The following LPP variants were observed in gnomAD, a reference collection of about 807,000 sequenced individuals.
The protein encoded by LPP is lipoma-preferred partner.
Under a neutral mutation model 60.4 loss-of-function variants are expected in LPP, and 38 were observed. That is an observed-to-expected ratio of 0.63 (90% CI 0.49 to 0.83). The LOEUF is 0.83. LPP is among the 40% of genes least tolerant of loss of function. The pLI, the probability that LPP is intolerant of heterozygous loss-of-function variation, is 0.00. For missense variants in LPP, 902 were observed against 783.6 expected, an observed-to-expected ratio of 1.15 and a Z score of -1.80; for synonymous variants, 328 against 290.8, an observed-to-expected ratio of 1.13 and a Z score of -1.30.
chr3:188,281,272 G>A (rs1296216235), intron 2 of LPP, among the ~76,000 whole-genome samples: 2 of 152,030 alleles, frequency 1.3e-5, no homozygotes, highest in Non-Finnish European at 2.9e-5. Flanking sequence ...TATTAGTGAT[G>A]CGGGTTTAGA....
At chr3:188,708,080 A>G (rs1273223511) in intron 7 of LPP, among the ~76,000 whole-genome samples, 187 bp from the exon 8 acceptor site, 4 of 152,234 alleles carry the variant, frequency 2.6e-5, no homozygotes, top group Admixed American at 2.0e-4. Flanking sequence ...GATAAGGCAA[A>G]TGAGTAAAGA....
At chr3:188,638,649 T>C (rs1296985129) in intron 7 of LPP, among the ~76,000 whole-genome samples, 1 of 149,128 alleles carries the variant, frequency 6.7e-6, no homozygotes, top group Non-Finnish European at 1.5e-5. Flanking sequence ...CTTCAGCTGA[T>C]AAGCAACTTC....
At chr3:188,560,586 C>T (rs1205139293) in intron 6 of LPP, among the ~76,000 whole-genome samples, 1 of 152,098 alleles carries the variant, frequency 6.6e-6, no homozygotes, top group African/African-American at 2.4e-5. Context: ...CAATCCTATA[C>T]CTTAGTTCTC....
intron 4 of LPP, among the ~76,000 whole-genome samples, chr3:188,409,115 G>A (rs899867632): frequency 1.3e-5 from 2 of 152,064 alleles, no homozygotes; most frequent in South Asian, 2.1e-4. Context: ...GATGGCTGGC[G>A]GATGGCTGGC....
At chr3:188,502,518 T>C (rs1468697718) in intron 5 of LPP, among the ~76,000 whole-genome samples, 2 of 152,206 alleles carry the variant, frequency 1.3e-5, no homozygotes, top group African/African-American at 4.8e-5. Flanking sequence ...AAGTCTCTTG[T>C]AGACAACATA....
At chr3:188,718,352 G>T (rs1225071008) in intron 8 of LPP, among the ~76,000 whole-genome samples, 1 of 152,152 alleles carries the variant, frequency 6.6e-6, no homozygotes. Flanking sequence ...TGTTTACAAA[G>T]GTGCAGACAT....
intron 9 of LPP, among the ~76,000 whole-genome samples, chr3:188,863,937 C>T (rs1765904374): frequency 6.9e-6 from 1 of 145,376 alleles, no homozygotes; most frequent in Non-Finnish European, 1.5e-5. Flanking sequence ...GGTTATTCAA[C>T]TCCATTACAG....
intron 1 of LPP, among the ~76,000 whole-genome samples, chr3:188,183,523 C>T (rs1040323627): frequency 2.0e-5 from 3 of 152,188 alleles, no homozygotes; most frequent in Non-Finnish European, 2.9e-5. Flanking sequence ...GCCCAGCCAG[C>T]AGCAAACAGA....
intron 2 of LPP, among the ~76,000 whole-genome samples, chr3:188,273,587 ATCTTTTT>A (rs1165092337): frequency 3.1e-5 from 2 of 64,458 alleles, no homozygotes; most frequent in Non-Finnish European, 6.1e-5. Flanking sequence ...GCTATTTTAT[ATCTTTTT>A]TTTTTTTTTT....
chr3:188,622,149 C>A (rs4322991), intron 7 of LPP, among the ~76,000 whole-genome samples: 23,480 of 152,104 alleles, frequency 0.15, 2,340 homozygotes, highest in Middle Eastern at 0.22. Flanking sequence ...GCAATACAAC[C>A]AGTAAAAGGC....
At chr3:188,370,598 A>G (rs1313276098) in intron 3 of LPP, among the ~76,000 whole-genome samples, 1 of 152,158 alleles carries the variant, frequency 6.6e-6, no homozygotes, top group African/African-American at 2.4e-5. Context: ...GATGCAGGCT[A>G]GTGTCTCACA....
At chr3:188,158,091 G>A (rs68121286) in intron 1 of LPP, among the ~76,000 whole-genome samples, 22,477 of 152,070 alleles carry the variant, frequency 0.15, 1,873 homozygotes, top group East Asian at 0.28. Context: ...GGTCTCTAGC[G>A]TCATCTCTGT....
intron 6 of LPP, among the ~76,000 whole-genome samples, chr3:188,537,949 GGACAATT>G (rs1423399015): frequency 1.9e-4 from 29 of 152,122 alleles, no homozygotes; most frequent in Non-Finnish European, 1.0e-4. Flanking sequence ...TTATGTTTAT[GGACAATT>G]GATTTTCAAC....
chr3:188,431,542 G>A (rs1578844401), intron 4 of LPP, among the ~76,000 whole-genome samples: 1 of 152,116 alleles, frequency 6.6e-6, no homozygotes, highest in East Asian at 1.9e-4. Flanking sequence ...CATCAAAAAG[G>A]TCTGCCAGAG....
intron 3 of LPP, among the ~76,000 whole-genome samples, chr3:188,393,959 A>G (rs894275575): frequency 2.6e-5 from 4 of 152,200 alleles, no homozygotes; most frequent in African/African-American, 9.7e-5. Flanking sequence ...ATGTTTTGCC[A>G]AAGTGTGATG....
chr3:188,766,016 G>T (rs1030635745), intron 9 of LPP, among the ~76,000 whole-genome samples: 2 of 151,360 alleles, frequency 1.3e-5, no homozygotes, highest in Non-Finnish European at 2.9e-5. Context: ...GATTACAGGC[G>T]CCCACCACCA....
intron 3 of LPP, among the ~76,000 whole-genome samples, chr3:188,404,223 A>T (rs1382704400): frequency 6.6e-6 from 1 of 152,034 alleles, no homozygotes; most frequent in Non-Finnish European, 1.5e-5. Context: ...AAATTCTGAG[A>T]GTTAAGGAAG....
chr3:188,511,685 TG>T (rs1402798653), intron 5 of LPP, among the ~76,000 whole-genome samples: 1 of 151,238 alleles, frequency 6.6e-6, no homozygotes, highest in Admixed American at 6.5e-5. Flanking sequence ...CTCTGATCCT[TG>T]GGCTATCCTC....
At position 188,182,845 on chromosome 3, in the gene LPP, A is replaced by G. The variant is rs1212727077; in HGVS notation, c.-190+28593A>G. On this transcript the variant is annotated intron_variant, in intron 1 of 11. Transcript: ENST00000617246. This position sits in a 1 kb window ranked among gnomAD's most constrained non-coding sequence, Gnocchi z 4.4. Reference sequence around the variant, plus strand: ...ATGTACATATAATATACATACACACACATGCCCAGCCCTTACTCCAGTCTA... The same window carrying G: ...ATGTACATATAATATACATACACACGCATGCCCAGCCCTTACTCCAGTCTA... 6.6e-6 allele frequency among the ~76,000 whole-genome samples: 1 copy of G among 151,834 alleles called. No homozygotes were observed. Among genetic ancestry groups the G allele is most frequent in the Non-Finnish European group, 1.5e-5 (1 of 67,980 alleles).
Sources: allele counts gnomAD v4.1 joint callset (sites outside exome capture counted in the v4.1 genomes callset), GRCh38; gene constraint gnomAD v4.1.1; non-coding constraint Gnocchi (gnomAD v3.1); transcripts MANE v1.5; gene names NCBI Gene and HGNC (gene_info 2026-07-23, HGNC 2026-07-21).